The following MYO1C variants were observed in gnomAD, a reference collection of about 807,000 sequenced individuals.
MYO1C encodes the protein myosin IC.
Under a neutral mutation model 150.8 loss-of-function variants are expected in MYO1C, and 104 were observed. The ratio of observed to expected loss-of-function variants is 0.69; its 90% CI spans 0.59 to 0.81. MYO1C has a LOEUF of 0.81. Among genes scored for constraint, MYO1C ranks in the 30% least tolerant of loss-of-function variants. MYO1C has a pLI of 0.00. For missense variants in MYO1C, 1,504 were observed against 1,435.0 expected (o/e 1.05, Z -0.78); for synonymous variants, 663 against 579.9 (o/e 1.14, Z -2.06).
intron 24 of MYO1C, among the ~76,000 whole-genome samples, 158 bp from the exon 25 acceptor site, chr17:1,469,772 C>T (rs938359888): frequency 2.6e-5 from 4 of 152,218 alleles, no homozygotes; most frequent in Non-Finnish European, 5.9e-5. Context: ...CGGTGGCTCA[C>T]GCCTGGAATC....
Position 1,478,248 on chromosome 17 carries a change from G to A in MYO1C, c.1296-56C>T. ...TCAGTGGGGACACAGGACCAGGAGA[G>A]GGGAAAAGCTGGACGACGCCCCTGA... On this transcript the variant is annotated intron_variant, in intron 11 of 31. Coordinates refer to ENST00000648651, the MANE Select transcript of MYO1C (RefSeq NM_001080779.2). This position sits in a 1 kb window ranked among gnomAD's most constrained non-coding sequence, Gnocchi z 6.3. 6.3e-7 allele frequency: 1 copy of A among 1,584,446 alleles called. No homozygotes were observed.
chr17:1,479,413 G>C lies in MYO1C; in HGVS notation c.1092+18C>G. The C allele has an allele frequency of 8.2e-7, 1 of 1,217,522 alleles. No homozygotes were observed. The highest frequency in any genetic ancestry group is 1.2e-6 in the Non-Finnish European group (1 of 849,932). 75.4% of individuals were successfully genotyped at this position (1,217,522 alleles called of 1,614,324 possible). On this transcript the variant is annotated intron_variant, in intron 9 of 31. Coordinates refer to ENST00000648651, the MANE Select transcript of MYO1C (RefSeq NM_001080779.2). This position sits in a 1 kb window ranked among gnomAD's most constrained non-coding sequence, Gnocchi z 4.2. ...AACAGCTGCCCCTCCACACCCGAGG[G>C]CAAGGGCCCGGCCTCACCTCCTCCC...
At chr17:1,489,533 G>A (rs1419898213) in intron 1 of MYO1C, among the ~76,000 whole-genome samples, 1 of 152,024 alleles carries the variant, frequency 6.6e-6, no homozygotes, top group Admixed American at 6.6e-5. Flanking sequence ...TTTTTAAAAA[G>A]TTAGCCAGGC....
At position 1,467,849 on chromosome 17, in the gene MYO1C, A is replaced by T. The variant is rs1423518461; in HGVS notation, c.2958T>A (p.Asn986Lys). 3.1e-6 allele frequency: 5 copies of T among 1,587,318 alleles called. No homozygotes were observed. In the South Asian group the frequency reaches 5.6e-5, roughly 18 times the overall value. ...LFVLHVQRADNKQKGDVVLQS... is the reference protein window; with the variant it reads ...LFVLHVQRADKKQKGDVVLQS... ...ATCCATGAAAAGGCACCTTTTGCTTATTGTCCGCACGCTGTACATGAAGCA... is the reference window on the plus strand; with the variant it reads ...ATCCATGAAAAGGCACCTTTTGCTTTTTGTCCGCACGCTGTACATGAAGCA... Residue 986 changes from asparagine to lysine, a missense_variant, in exon 29 of 32, where the codon AAT becomes AAA. By Grantham distance (94) the Asn-to-Lys change is moderately conservative (BLOSUM62 0). Transcript: ENST00000648651.
chr17:1,470,595 T>G, intron 22 of MYO1C, 26 bp downstream of exon 22: 1 of 1,142,420 alleles, frequency 8.8e-7, no homozygotes, highest in Non-Finnish European at 1.3e-6. Context: ...ACCCCGCCCC[T>G]CCTGAACACC....
At position 1,474,950 on chromosome 17, in the gene MYO1C, A is replaced by G. The variant is rs755360134; in HGVS notation, c.1657T>C (p.Tyr553His). Residue 553 changes from tyrosine to histidine, a missense_variant, in exon 15 of 32, where the codon TAC becomes CAC. Transcript: ENST00000648651. ...CCAGGATCCTCACCGGTCACGCTGT[A>G]GGTCACCTCCCCCGCATAGTGCAGA... ...RLLHYAGEVTYSVTGFLDKNN... is the reference protein window; with the variant it reads ...RLLHYAGEVTHSVTGFLDKNN... The G allele has an allele frequency of 1.9e-6, 3 of 1,591,468 alleles. No homozygotes were observed. The South Asian group carries it at 3.4e-5, about 18-fold the overall frequency.
At chr17:1,471,766 G>A (rs1399846350) in intron 19 of MYO1C, 141 bp downstream of exon 19, 6 of 894,514 alleles carry the variant, frequency 6.7e-6, no homozygotes, top group Admixed American at 3.8e-5. Context: ...GCAGCACCAA[G>A]GGCCTCCACC....
At chr17:1,471,176 G>A (rs776964584) in intron 20 of MYO1C, 29 bp from the exon 21 acceptor site, 1 of 1,613,654 alleles carries the variant, frequency 6.2e-7, no homozygotes, top group Non-Finnish European at 8.5e-7. Flanking sequence ...TCAGCCCGGG[G>A]TTGCCACTCC....
At position 1,484,194 on chromosome 17, in the gene MYO1C, G is replaced by A. The variant is rs553256879; in HGVS notation, c.185C>T (p.Ala62Val). Reference sequence around the variant, plus strand: ...TCGCCGCCGCAGGTTCTCGATGAAGGCGGCCTCGCTGGTGAAGTTCTCCAG... The same window carrying A: ...TCGCCGCCGCAGGTTCTCGATGAAGACGGCCTCGCTGGTGAAGTTCTCCAG... ...VLLENFTSEA[A>V]FIENLRRRFR... Residue 62 changes from alanine (A) to valine (V), a missense_variant, in exon 2 of 32, where the codon GCC (alanine) becomes GTC (valine). Physicochemically the swap from Ala to Val is moderately conservative, Grantham distance 64. Transcript: ENST00000648651. 6.0e-5 allele frequency: 97 copies of A among 1,612,990 alleles called. No individual in the cohort carries two copies. In the Middle Eastern group the frequency reaches 6.6e-4, roughly 11 times the overall value.
chr17:1,479,559 GTCCT>G lies in MYO1C; in HGVS notation c.1020+29_1020+32del. ...TGCACCCCCAGCCCCCGCCCCCGCC[GTCCT>G]CCCGTCGCCCTCTGCCCGCCCCACT... On this transcript the variant is annotated intron_variant, in intron 8 of 31. Coordinates refer to ENST00000648651, the MANE Select transcript of MYO1C (RefSeq NM_001080779.2). This position sits in a 1 kb window ranked among gnomAD's most constrained non-coding sequence, Gnocchi z 4.2. The G allele has an allele frequency of 9.5e-6, 7 of 737,366 alleles. No individual in the cohort carries two copies. The highest frequency in any genetic ancestry group is 1.6e-5 in the Non-Finnish European group (7 of 436,638). The allele number at this position is 737,366 out of a possible 1,614,324, so 45.7% of individuals were successfully genotyped here.
intron 1 of MYO1C, among the ~76,000 whole-genome samples, chr17:1,490,341 A>C (rs1398315055): frequency 6.6e-6 from 1 of 151,680 alleles, no homozygotes; most frequent in Non-Finnish European, 1.5e-5. Flanking sequence ...ACTAAAAAAA[A>C]AAAAAAATTA....
intron 1 of MYO1C, chr17:1,491,458 C>CT (rs1555524142): frequency 0.011 from 2,175 of 200,224 alleles, 92 homozygotes; most frequent in African/African-American, 0.053. Flanking sequence ...CCCCCCCCCC[C>CT]CGCACGGGTC....
chr17:1,492,131 G>A (rs1362361980), intron 1 of MYO1C: 1 of 481,310 alleles, frequency 2.1e-6, no homozygotes, highest in African/African-American at 2.0e-5. Context: ...ACAGCAGCCG[G>A]CACTTGCCTT....
At chr17:1,491,776 G>A (rs1211266802) in intron 1 of MYO1C, 16 of 507,722 alleles carry the variant, frequency 3.2e-5, no homozygotes, top group Non-Finnish European at 3.8e-5. Context: ...CTCAGCCCCG[G>A]CCGCGTCCGC....
rs772254609 is a variant in MYO1C at position 1,483,015 on chromosome 17, C to G, written c.392G>C (p.Arg131Pro). The change falls in exon 4 of 32, where the codon CGT becomes CCT. Residue 131 changes from arginine to proline, a missense_variant. By Grantham distance (103) the Arg-to-Pro change is moderately radical. Transcript: ENST00000648651. ...AGAGATCATCACAGCCTGGTCCCGA[C>G]GCTCCGTGCGCAGTGCTCGGTACAC... ...DTVYRALRTE[R>P]RDQAVMISGE... The G allele has an allele frequency of 5.0e-6, 8 of 1,611,846 alleles. No individual in the cohort carries two copies. In the Admixed American group the frequency reaches 6.7e-5, roughly 13 times the overall value.
intron 25 of MYO1C, 79 bp from the exon 26 acceptor site, chr17:1,468,575 G>A (rs529568343): frequency 3.0e-5 from 36 of 1,189,952 alleles, no homozygotes; most frequent in Non-Finnish European, 4.2e-5. Context: ...CTTAGGACCT[G>A]AGACAGCCTC....
Position 1,470,196 on chromosome 17 carries a change from C to T in MYO1C, c.2505G>A (p.Thr835=), listed in dbSNP as rs139792172. The part of the protein sequence containing the change: ...PQNVLDTSWP[T]PPPALREASE... ...AGACCTCACGCAGGGCAGGTGGGGG[C>T]GTGGGCCACGAGGTGTCCAGGACAT... The change falls in exon 24 of 32, where the codon ACG becomes ACA. Residue 835 remains threonine (T), a synonymous_variant. Transcript: ENST00000648651. 1.6e-5 allele frequency: 26 copies of T among 1,610,698 alleles called. No homozygotes were observed. Among genetic ancestry groups the T allele is most frequent in the African/African-American group, 1.3e-4 (10 of 74,984 alleles).
At chr17:1,468,563 G>A in intron 25 of MYO1C, 67 bp from the exon 26 acceptor site, 1 of 1,342,108 alleles carries the variant, frequency 7.5e-7, no homozygotes, top group African/African-American at 1.4e-5. Flanking sequence ...GGCAGAGCCA[G>A]CCTTAGGACC....
rs1020901518 is a variant in MYO1C, at chr17:1,468,643, C to T, written c.2611-147G>A. 4.4e-6 allele frequency: 3 copies of T among 674,794 alleles called. No homozygotes were observed. In the African/African-American group the frequency reaches 5.3e-5, roughly 12 times the overall value. The allele number at this position is 674,794 out of a possible 1,614,324, so 41.8% of individuals were successfully genotyped here. ...GCACCAGGAGGCTGAGCCCTGCCCCCCACACGCCCATCAACCCTCCACTTC... is the reference window on the plus strand; with the variant it reads ...GCACCAGGAGGCTGAGCCCTGCCCCTCACACGCCCATCAACCCTCCACTTC... On this transcript the variant is annotated intron_variant, in intron 25 of 31. Coordinates refer to ENST00000648651, the MANE Select transcript of MYO1C (RefSeq NM_001080779.2).
Sources: allele counts gnomAD v4.1 joint callset (sites outside exome capture counted in the v4.1 genomes callset), GRCh38; gene constraint gnomAD v4.1.1; non-coding constraint Gnocchi (gnomAD v3.1); transcripts MANE v1.5; gene names NCBI Gene and HGNC (gene_info 2026-07-23, HGNC 2026-07-21).